Variants in PDK1 observed in about 807,000 individuals in gnomAD.
PDK1 encodes the protein pyruvate dehydrogenase kinase 1, also known as [Pyruvate dehydrogenase (acetyl-transferring)] kinase isozyme 1, mitochondrial.
In PDK1, 39 loss-of-function variants were observed where a neutral mutation model predicts 54.2. That is an observed-to-expected ratio of 0.72 (90% CI 0.56 to 0.94). The LOEUF is 0.94. PDK1 is among the 40% of genes least tolerant of loss of function. The pLI, the probability that PDK1 is intolerant of heterozygous loss-of-function variation, is 0.00. For synonymous variants in PDK1, 221 were observed against 207.1 expected (o/e 1.07, Z -0.58); for missense variants, 552 against 566.0 (o/e 0.98, Z 0.25).
chr2:172,601,108 A>G lies in PDK1; in HGVS notation c.*5139A>G, dbSNP rs1170696323. ...TCTACCTAAATTCTTTCTGCCTTCT[A>G]TAACAATTGTATGCTCAGTAAATAC... On this transcript the variant is annotated 3_prime_UTR_variant, in exon 11 of 11. Coordinates refer to ENST00000282077, the MANE Select transcript of PDK1 (RefSeq NM_002610.5). The G allele has an allele frequency of 6.6e-6, 1 of 152,216 alleles. No individual in the cohort carries two copies. The highest frequency in any genetic ancestry group is 1.5e-5 in the Non-Finnish European group (1 of 68,042). 9.4% of individuals were successfully genotyped at this position (152,216 alleles called of 1,614,324 possible).
chr2:172,711,992 T>C, the PDK1 span, among the ~76,000 whole-genome samples: 1 of 151,376 alleles, frequency 6.6e-6, no homozygotes, highest in Admixed American at 6.6e-5. Flanking sequence ...AGATGTTACA[T>C]ATATATTAGT....
chr2:172,667,364 G>C, the PDK1 span, among the ~76,000 whole-genome samples: 2 of 152,178 alleles, frequency 1.3e-5, no homozygotes, highest in Non-Finnish European at 2.9e-5. Context: ...CTGGGGCAAT[G>C]GGGCTGTCCC....
intron 3 of PDK1, chr2:172,564,051 G>A (rs1479012097): frequency 4.2e-6 from 2 of 471,540 alleles, no homozygotes; most frequent in South Asian, 3.1e-5. Context: ...TTGAACCCTA[G>A]GGAATAGGTC....
At chr2:172,708,886 G>A in the PDK1 span, among the ~76,000 whole-genome samples, 507 of 152,288 alleles carry the variant, frequency 3.3e-3, 5 homozygotes, top group African/African-American at 0.011. Context: ...GGAACTTTCC[G>A]TCTGTGGCAT....
intron 3 of PDK1, chr2:172,562,917 C>T: frequency 1.1e-6 from 1 of 876,544 alleles, no homozygotes; most frequent in South Asian, 1.8e-5. Flanking sequence ...ATGACCATCT[C>T]TTGTCCTCAG....
At chr2:172,612,963 C>T (rs1558970112), downstream of PDK1, among the ~76,000 whole-genome samples, 2 of 152,082 alleles carry the variant, frequency 1.3e-5, no homozygotes, top group African/African-American at 2.4e-5. Flanking sequence ...CCCGGCCCAG[C>T]TAGTGTTTTA....
chr2:172,558,718 TG>T lies in PDK1; in HGVS notation c.208del (p.Ala70LeufsTer21). The T allele has an allele frequency of 6.2e-7, 1 of 1,604,858 alleles. No homozygotes were observed. The highest frequency in any genetic ancestry group is 8.5e-7 in the Non-Finnish European group (1 of 1,177,656). ...CATGTTTGGTTTCAGGATCAGTGAA[TG>T]CTTGTGAAAAGACCTCATTTATGTT... ...KQFLDFGSVN[A>X]CEKTSFMFLR... On this transcript the variant is annotated frameshift_variant, in exon 2 of 11. Coordinates refer to ENST00000282077, the MANE Select transcript of PDK1 (RefSeq NM_002610.5). LOFTEE classifies it high-confidence loss of function.
At chr2:172,581,070 T>G (rs1689877194) in intron 8 of PDK1, among the ~76,000 whole-genome samples, 1 of 151,950 alleles carries the variant, frequency 6.6e-6, no homozygotes, top group Non-Finnish European at 1.5e-5. Flanking sequence ...ATACTTTAAG[T>G]GCATTAATTA....
At chr2:172,625,546 C>A in the PDK1 span, among the ~76,000 whole-genome samples, 7 of 152,166 alleles carry the variant, frequency 4.6e-5, no homozygotes, top group Non-Finnish European at 8.8e-5. Flanking sequence ...TTTTCTTTAG[C>A]CCTTGTTTTC....
chr2:172,709,101 G>A, the PDK1 span, among the ~76,000 whole-genome samples: 1 of 151,992 alleles, frequency 6.6e-6, no homozygotes, highest in African/African-American at 2.4e-5. Flanking sequence ...GTATAATGAT[G>A]TCATAAAATA....
At chr2:172,555,856 C>T (rs541353541), upstream of PDK1, 2 of 288,010 alleles carry the variant, frequency 6.9e-6, no homozygotes, top group Admixed American at 5.3e-5. Context: ...GGGGCGGGAT[C>T]TGGGCGGCGG....
the PDK1 span, among the ~76,000 whole-genome samples, chr2:172,717,315 A>G: frequency 6.6e-6 from 1 of 152,050 alleles, no homozygotes; most frequent in Admixed American, 6.6e-5. Flanking sequence ...CTTGACTGAA[A>G]CCTCATGGAT....
chr2:172,570,876 A>T (rs1407007875), intron 8 of PDK1, 52 bp downstream of exon 8: 12 of 982,856 alleles, frequency 1.2e-5, no homozygotes, highest in Admixed American at 2.1e-5. Context: ...TAATTGATGA[A>T]CAGACATGCA....
At chr2:172,578,958 C>G (rs957266494) in intron 8 of PDK1, among the ~76,000 whole-genome samples, 1 of 152,152 alleles carries the variant, frequency 6.6e-6, no homozygotes, top group Non-Finnish European at 1.5e-5. Flanking sequence ...CAGTTAACAA[C>G]TGTGCCTTAA....
chr2:172,685,345 C>T, the PDK1 span, among the ~76,000 whole-genome samples: 1 of 152,178 alleles, frequency 6.6e-6, no homozygotes, highest in East Asian at 1.9e-4. Context: ...CTTATCATCT[C>T]ACTTCCATAT....
At position 172,596,173 on chromosome 2, in the gene PDK1, C is replaced by A; in HGVS notation, c.*204C>A. The A allele has an allele frequency of 2.4e-6, 1 of 415,852 alleles. No homozygotes were observed. The highest frequency in any genetic ancestry group is 4.3e-6 in the Non-Finnish European group (1 of 232,932). 25.8% of individuals were successfully genotyped at this position (415,852 alleles called of 1,614,324 possible). A position where few individuals can be genotyped will look rare whatever the true frequency, so the allele number is the denominator to read the frequency against. ...CACCTATTTTACACTTATATTTTCACAGTTAATTGAACATATTTTTAAACA... is the reference window on the plus strand; with the variant it reads ...CACCTATTTTACACTTATATTTTCAAAGTTAATTGAACATATTTTTAAACA... On this transcript the variant is annotated 3_prime_UTR_variant, in exon 11 of 11. Coordinates refer to ENST00000282077, the MANE Select transcript of PDK1 (RefSeq NM_002610.5).
the PDK1 span, among the ~76,000 whole-genome samples, chr2:172,696,189 G>GA: frequency 9.5e-5 from 10 of 104,948 alleles, no homozygotes; most frequent in African/African-American, 1.4e-4. Context: ...AAAAAAAAAA[G>GA]AAAAAAAAAA....
the PDK1 span, among the ~76,000 whole-genome samples, chr2:172,660,322 T>A: frequency 7.5e-6 from 1 of 133,018 alleles, no homozygotes; most frequent in Non-Finnish European, 1.6e-5. Context: ...AGTGGCATGA[T>A]CTCGGCTCAC....
At chr2:172,667,700 A>G in the PDK1 span, among the ~76,000 whole-genome samples, 1 of 152,242 alleles carries the variant, frequency 6.6e-6, no homozygotes, top group Non-Finnish European at 1.5e-5. Flanking sequence ...TCATAAGGTA[A>G]TTCTGTATTC....
Sources: gnomAD v4.1 joint callset for allele counts (sites outside exome capture counted in the v4.1 genomes callset) on GRCh38, gnomAD v4.1.1 for gene constraint, MANE v1.5 for transcripts, NCBI Gene and HGNC (gene_info 2026-07-23, HGNC 2026-07-21) for gene names.